Variants in MED15 observed in about 807,000 individuals in gnomAD.
The protein encoded by MED15 is mediator complex subunit 15.
In MED15, 41 loss-of-function variants were observed where a neutral mutation model predicts 118.7. That is an observed-to-expected ratio of 0.35 (90% CI 0.27 to 0.45). The LOEUF (loss-of-function observed/expected upper bound fraction) is 0.45. MED15 is among the 20% of genes least tolerant of loss of function. The pLI is 1.00. For synonymous variants in MED15, 436 were observed against 413.9 expected, an observed-to-expected ratio of 1.05 and a Z score of -0.65; for missense variants, 740 against 1,025.5, an observed-to-expected ratio of 0.72 and a Z score of 3.80.
intron 9 of MED15, among the ~76,000 whole-genome samples, chr22:20,576,142 TA>T (rs1411010699): frequency 1.3e-5 from 2 of 152,270 alleles, no homozygotes; most frequent in Non-Finnish European, 2.9e-5. Context: ...TGCCAGGCAC[TA>T]TGCTAAGATT....
At chr22:20,568,132 C>T (rs1014293006) in intron 7 of MED15, among the ~76,000 whole-genome samples, 5 of 152,358 alleles carry the variant, frequency 3.3e-5, no homozygotes, top group Admixed American at 2.0e-4. Flanking sequence ...GGAGCTACTA[C>T]GCCCTGCCCT....
chr22:20,518,894 T>C (rs2054344539), intron 1 of MED15: 1 of 453,350 alleles, frequency 2.2e-6, no homozygotes, highest in South Asian at 1.6e-5. Flanking sequence ...ACTCTGTCAC[T>C]CAGGCTGAAG....
chr22:20,575,206 C>T lies in MED15; in HGVS notation c.1246C>T (p.Pro416Ser). The part of the protein sequence containing the change: ...AVSAIPSSSI[P>S]LGRQPMAQVS... Reference sequence around the variant, plus strand: ...GTCCGCCATCCCGTCAAGCTCCATCCCTTTGGGCAGACAGCCCATGGCACA... The same window carrying T: ...GTCCGCCATCCCGTCAAGCTCCATCTCTTTGGGCAGACAGCCCATGGCACA... Residue 416 changes from proline to serine, a missense_variant, in exon 9 of 18, where the codon CCT becomes TCT. This residue lies in a region of MED15 where 384 missense variants were observed against 506.3 expected (regional missense o/e 0.76). Coordinates refer to ENST00000263205, the MANE Select transcript of MED15 (RefSeq NM_001003891.3). 6.2e-7 allele frequency: 1 copy of T among 1,614,096 alleles called. No homozygotes were observed. Among genetic ancestry groups the T allele is most frequent in the African/African-American group, 1.3e-5 (1 of 75,074 alleles).
intron 1 of MED15, 63 bp from the exon 2 acceptor site, chr22:20,537,054 C>T: frequency 1.4e-6 from 2 of 1,480,864 alleles, no homozygotes; most frequent in Non-Finnish European, 1.9e-6. Context: ...GCCTGTTGGC[C>T]AGGGCCCTGC....
rs572868129 is a variant in MED15, at chr22:20,586,593, G to A, written c.2256G>A (p.Val752=). 3 of 1,612,798 alleles carry A rather than the reference G, an allele frequency of 1.9e-6. No individual in the cohort carries two copies. The highest frequency in any genetic ancestry group is 2.5e-6 in the Non-Finnish European group (3 of 1,179,958). Residue 752 remains valine (V), a synonymous_variant, in exon 18 of 18, where the codon GTG becomes GTA. Coordinates refer to ENST00000263205, the MANE Select transcript of MED15 (RefSeq NM_001003891.3). The part of the protein sequence containing the change: ...QYDANPFLQS[V]HRCMTSRLLQ... ...ACGCCAACCCCTTCCTCCAGTCGGTGCACCGCTGCATGACCTCCAGGCTGC... is the reference window on the plus strand; with the variant it reads ...ACGCCAACCCCTTCCTCCAGTCGGTACACCGCTGCATGACCTCCAGGCTGC...
At chr22:20,524,121 A>G (rs2054551643) in intron 1 of MED15, among the ~76,000 whole-genome samples, 1 of 152,242 alleles carries the variant, frequency 6.6e-6, no homozygotes. Context: ...TAGAAGTTTC[A>G]GTAAAGGAAA....
At chr22:20,552,577 T>C in intron 3 of MED15, 2 of 449,618 alleles carry the variant, frequency 4.4e-6, no homozygotes, top group Non-Finnish European at 9.1e-6. Flanking sequence ...CCTGTGGGGC[T>C]CATGAGGTCA....
At chr22:20,566,149 C>A (rs181240872) in intron 6 of MED15, among the ~76,000 whole-genome samples, 145 of 151,388 alleles carry the variant, frequency 9.6e-4, no homozygotes, top group African/African-American at 3.5e-3. Context: ...AAGTGATTCT[C>A]CTGCCTCAGC....
intron 1 of MED15, among the ~76,000 whole-genome samples, chr22:20,533,467 G>A (rs1216373815): frequency 1.3e-5 from 2 of 152,228 alleles, no homozygotes; most frequent in Non-Finnish European, 2.9e-5. Flanking sequence ...CACAGGGTCT[G>A]TTACTGGCCA....
chr22:20,555,088 C>T lies in MED15; in HGVS notation c.391C>T (p.Pro131Ser). 6.2e-7 allele frequency: 1 copy of T among 1,612,106 alleles called. No homozygotes were observed. Among genetic ancestry groups the T allele is most frequent in the Non-Finnish European group, 8.5e-7 (1 of 1,179,628 alleles). Residue 131 changes from proline (P) to serine (S), a missense_variant, in exon 5 of 18, where the codon CCT becomes TCT. Pro to Ser is a moderately conservative substitution (Grantham distance 74). Transcript: ENST00000263205. ...AATGTCTCTCTCAGGGCAGCCGCCT[C>T]CTGGGACCTCGGGGATGGCCCCTCA... ...QPMSLSGQPP[P>S]GTSGMAPHSM...
intron 5 of MED15, among the ~76,000 whole-genome samples, chr22:20,561,325 C>A (rs2056231480): frequency 6.6e-6 from 1 of 152,060 alleles, no homozygotes; most frequent in East Asian, 1.9e-4. Context: ...TTGAGGCGAT[C>A]CTGGCCAACA....
chr22:20,579,431 G>GCTGC (rs2056913987), intron 9 of MED15, among the ~76,000 whole-genome samples: 1 of 152,204 alleles, frequency 6.6e-6, no homozygotes, highest in African/African-American at 2.4e-5. Flanking sequence ...CTGGCTGCCA[G>GCTGC]CTGCCAGGGT....
chr22:20,562,929 G>A (rs567277307), intron 5 of MED15, among the ~76,000 whole-genome samples: 3 of 151,846 alleles, frequency 2.0e-5, no homozygotes, highest in African/African-American at 4.8e-5. Context: ...CCAGCTACTC[G>A]GGAGGCTGAG....
At chr22:20,567,503 G>T (rs1473290864) in intron 7 of MED15, among the ~76,000 whole-genome samples, 1 of 152,168 alleles carries the variant, frequency 6.6e-6, no homozygotes, top group Non-Finnish European at 1.5e-5. Flanking sequence ...AAGTGTGGGG[G>T]TGAACAAGAG....
intron 1 of MED15, among the ~76,000 whole-genome samples, chr22:20,535,623 A>G (rs560147990): frequency 4.7e-5 from 7 of 150,418 alleles, no homozygotes; most frequent in East Asian, 2.0e-4. Flanking sequence ...GCAGTGGCGC[A>G]ATCTCCGCTC....
intron 9 of MED15, among the ~76,000 whole-genome samples, chr22:20,575,741 T>G (rs555762339): frequency 1.6e-3 from 232 of 149,522 alleles, no homozygotes; most frequent in Non-Finnish European, 1.5e-3. Context: ...GGAAAATATA[T>G]ATATAAATGT....
chr22:20,572,970 T>TC (rs1395552257), intron 8 of MED15, among the ~76,000 whole-genome samples: 2 of 150,814 alleles, frequency 1.3e-5, no homozygotes, highest in South Asian at 2.1e-4. Context: ...CATTTTCTTT[T>TC]TTTTTTTTTT....
At chr22:20,539,003 G>A (rs997726189) in intron 2 of MED15, among the ~76,000 whole-genome samples, 11 of 151,908 alleles carry the variant, frequency 7.2e-5, no homozygotes, top group African/African-American at 1.5e-4. Context: ...ACCCAGCCAC[G>A]TACAATATAT....
At chr22:20,553,223 A>G in intron 4 of MED15, 49 bp downstream of exon 4, 1 of 1,574,126 alleles carries the variant, frequency 6.4e-7, no homozygotes, top group Non-Finnish European at 8.7e-7. Context: ...TTTGGATTTG[A>G]GGTGGCAAGA....
Sources: gnomAD v4.1 joint callset for allele counts (sites outside exome capture counted in the v4.1 genomes callset) on GRCh38, gnomAD v4.1.1 for gene constraint, gnomAD v4.1.1 regional missense constraint, MANE v1.5 for transcripts, NCBI Gene and HGNC (gene_info 2026-07-23, HGNC 2026-07-21) for gene names.